LRP1B: variants seen among roughly 807,000 people sequenced by gnomAD.
The protein encoded by LRP1B is low-density lipoprotein receptor-related protein 1B.
Under a neutral mutation model 556.6 loss-of-function variants are expected in LRP1B, and 217 were observed. The ratio of observed to expected loss-of-function variants is 0.39; its 90% CI spans 0.35 to 0.44. LRP1B has a LOEUF of 0.44. Ranked by LOEUF, LRP1B falls within the 20% of genes least tolerant of loss-of-function variation. The pLI, the probability that LRP1B is intolerant of heterozygous loss-of-function variation, is 1.00. For missense variants in LRP1B, 5,053 were observed against 5,620.8 expected, an observed-to-expected ratio of 0.90 and a Z score of 3.23; for synonymous variants, 2,047 against 1,865.8, an observed-to-expected ratio of 1.10 and a Z score of -2.50.
At chr2:140,473,549 T>C (rs578205359) in intron 60 of LRP1B, among the ~76,000 whole-genome samples, 3 of 152,068 alleles carry the variant, frequency 2.0e-5, no homozygotes, top group African/African-American at 4.8e-5. Context: ...ATAAGTGACA[T>C]GATTTTTTAA....
At chr2:142,127,057 C>A (rs560406971) in intron 1 of LRP1B, among the ~76,000 whole-genome samples, 1 of 151,446 alleles carries the variant, frequency 6.6e-6, no homozygotes, top group East Asian at 1.9e-4. Context: ...CCATATCACT[C>A]ATCTAGCACC....
chr2:141,278,741 G>A (rs556000788), intron 3 of LRP1B, among the ~76,000 whole-genome samples: 36 of 152,150 alleles, frequency 2.4e-4, no homozygotes, highest in Non-Finnish European at 3.7e-4. Flanking sequence ...ATTCAAGTCT[G>A]GAAGACCAAC....
chr2:142,113,537 G>A (rs776936146), intron 1 of LRP1B, among the ~76,000 whole-genome samples: 6 of 149,816 alleles, frequency 4.0e-5, no homozygotes, highest in Non-Finnish European at 7.4e-5. Flanking sequence ...AAATGATCAT[G>A]TAGAACAAGG....
chr2:142,043,341 C>T lies in LRP1B; in HGVS notation c.82+87307G>A, dbSNP rs143382268. Among the ~76,000 whole-genome samples the T allele has an allele frequency of 2.9e-3, 436 of 151,642 alleles. 3 individuals carry two copies. The highest frequency in any genetic ancestry group is 9.3e-3 in the African/African-American group (386 of 41,466). On this transcript the variant is annotated intron_variant, in intron 1 of 90. Transcript: ENST00000389484. The stretch of plus-strand genomic sequence containing the variant: ...AAGTCCACCATTATTAAATTAGACT[C>T]CTTATGGTATGATAGCAATGACTAG...
Position 140,783,087 on chromosome 2 carries a change from T to C in LRP1B, c.5360-6849A>G, listed in dbSNP as rs186014969. On this transcript the variant is annotated intron_variant, in intron 32 of 90. Transcript: ENST00000389484. ...GAGTAATATAAATTGAATTAAAGTT[T>C]CAATCCAAATTAAAGGCTGTTGCAA... Among the ~76,000 whole-genome samples the C allele has an allele frequency of 2.4e-4, 36 of 152,310 alleles. 1 individual carries two copies. In the East Asian group the frequency reaches 6.4e-3, roughly 27 times the overall value.
At chr2:140,679,883 A>G (rs550562038) in intron 41 of LRP1B, among the ~76,000 whole-genome samples, 1 of 152,084 alleles carries the variant, frequency 6.6e-6, no homozygotes, top group African/African-American at 2.4e-5. Flanking sequence ...ACAAATTGGT[A>G]AACTTTTTAT....
intron 7 of LRP1B, among the ~76,000 whole-genome samples, chr2:141,080,142 G>A (rs1311893056): frequency 6.6e-6 from 1 of 152,172 alleles, no homozygotes; most frequent in Non-Finnish European, 1.5e-5. Context: ...AATAGATTGG[G>A]CACATAGAAA....
chr2:140,576,153 A>T (rs973810784), intron 43 of LRP1B, among the ~76,000 whole-genome samples: 1 of 152,110 alleles, frequency 6.6e-6, no homozygotes, highest in African/African-American at 2.4e-5. Flanking sequence ...ATAATAAAGA[A>T]TTTAAAAGCC....
chr2:141,646,770 A>G (rs536280756), intron 2 of LRP1B, among the ~76,000 whole-genome samples: 141 of 152,190 alleles, frequency 9.3e-4, no homozygotes, highest in Non-Finnish European at 1.4e-3. Flanking sequence ...GAGAAACGTA[A>G]GCAAGGCTTT....
intron 23 of LRP1B, among the ~76,000 whole-genome samples, chr2:140,896,203 A>C: frequency 6.6e-6 from 1 of 152,260 alleles, no homozygotes; most frequent in South Asian, 2.1e-4. Context: ...TGAATTAATA[A>C]ATGAATTAAA....
chr2:142,092,941 C>G (rs1706225205), intron 1 of LRP1B, among the ~76,000 whole-genome samples: 1 of 151,872 alleles, frequency 6.6e-6, no homozygotes, highest in African/African-American at 2.4e-5. Context: ...TGAAATATAC[C>G]ATCTACAGCC....
At chr2:141,343,791 G>T (rs976688937) in intron 3 of LRP1B, among the ~76,000 whole-genome samples, 1 of 152,122 alleles carries the variant, frequency 6.6e-6, no homozygotes. Context: ...TTTCTTATAA[G>T]CATGTGCTCA....
At chr2:141,594,503 TAG>T (rs1687447715) in intron 2 of LRP1B, among the ~76,000 whole-genome samples, 1 of 152,114 alleles carries the variant, frequency 6.6e-6, no homozygotes, top group Non-Finnish European at 1.5e-5. Flanking sequence ...ATCTAAAACT[TAG>T]AGTGCTAGTC....
intron 25 of LRP1B, among the ~76,000 whole-genome samples, chr2:140,868,542 A>G (rs1193464162): frequency 1.3e-5 from 2 of 152,278 alleles, no homozygotes; most frequent in African/African-American, 4.8e-5. Flanking sequence ...ATCAGAAAAA[A>G]GCACTTTGAG....
intron 41 of LRP1B, among the ~76,000 whole-genome samples, chr2:140,677,825 G>A (rs1422900885): frequency 6.8e-6 from 1 of 146,246 alleles, no homozygotes; most frequent in South Asian, 2.2e-4. Flanking sequence ...GCAGTGAGCC[G>A]AGATCGTGCT....
intron 67 of LRP1B, among the ~76,000 whole-genome samples, 174 bp from the exon 68 acceptor site, chr2:140,378,460 T>A (rs1683332939): frequency 6.6e-6 from 1 of 152,172 alleles, no homozygotes; most frequent in African/African-American, 2.4e-5. Flanking sequence ...AATATAATAA[T>A]TTTTCCAATT....
rs1408747483 is a variant in LRP1B, at chr2:141,446,706, A to T, written c.343+33690T>A. The stretch of plus-strand genomic sequence containing the variant: ...CTGGATATGATATTCTGGGTTGAAA[A>T]TTCTTTTCTTTAAGAATGTTGAATA... On this transcript the variant is annotated intron_variant, in intron 3 of 90. Coordinates refer to ENST00000389484, the MANE Select transcript of LRP1B (RefSeq NM_018557.3). Among the ~76,000 whole-genome samples the T allele has an allele frequency of 3.3e-5, 5 of 152,182 alleles. No individual in the cohort carries two copies. The East Asian group carries it at 9.6e-4, about 29-fold the overall frequency.
intron 41 of LRP1B, among the ~76,000 whole-genome samples, chr2:140,668,779 C>G (rs1451048709): frequency 6.6e-6 from 1 of 151,364 alleles, no homozygotes; most frequent in Non-Finnish European, 1.5e-5. Flanking sequence ...AAAACTAGGG[C>G]AAATGGTGAA....
intron 2 of LRP1B, among the ~76,000 whole-genome samples, chr2:141,708,834 C>T (rs939668408): frequency 6.6e-6 from 1 of 152,054 alleles, no homozygotes; most frequent in Non-Finnish European, 1.5e-5. Flanking sequence ...GAAAAGGCTA[C>T]ATGTGAGGCC....
Sources: gnomAD v4.1 joint callset for allele counts (sites outside exome capture counted in the v4.1 genomes callset) on GRCh38, gnomAD v4.1.1 for gene constraint, MANE v1.5 for transcripts, NCBI Gene and HGNC (gene_info 2026-07-23, HGNC 2026-07-21) for gene names.